CALN1: variants seen among roughly 807,000 people sequenced by gnomAD.
The protein encoded by CALN1 is calneuron 1.
In CALN1, 17 loss-of-function variants were observed where a neutral mutation model predicts 30.6. The ratio of observed to expected loss-of-function variants is 0.56; its 90% CI spans 0.38 to 0.83. The LOEUF is 0.83. CALN1 is among the 40% of genes least tolerant of loss of function. The pLI is 0.00. For synonymous variants in CALN1, 156 were observed against 131.4 expected (o/e 1.19, Z -1.28); for missense variants, 291 against 354.9 (o/e 0.82, Z 1.45).
At chr7:72,106,746 A>G (rs143365252) in intron 3 of CALN1, among the ~76,000 whole-genome samples, 2,150 of 20,858 alleles carry the variant, frequency 0.1, 563 homozygotes, top group Admixed American at 0.14. Context: ...GGGAGGGAGG[A>G]AGGAAGGGAG....
At chr7:72,373,715 G>A (rs901228304) in intron 2 of CALN1, among the ~76,000 whole-genome samples, 2 of 152,174 alleles carry the variant, frequency 1.3e-5, no homozygotes, top group African/African-American at 4.8e-5. Context: ...TTATCAGGAT[G>A]TAACTCCATC....
chr7:71,964,004 T>C (rs993891589), intron 5 of CALN1, among the ~76,000 whole-genome samples: 3 of 152,222 alleles, frequency 2.0e-5, no homozygotes, highest in African/African-American at 4.8e-5. Flanking sequence ...TATTTAAACA[T>C]AAATGTTTCC....
At chr7:72,125,655 A>G (rs1159478710) in intron 3 of CALN1, among the ~76,000 whole-genome samples, 1 of 152,090 alleles carries the variant, frequency 6.6e-6, no homozygotes, top group East Asian at 1.9e-4. Flanking sequence ...GTTTTGTTAC[A>G]TGGATAAGTT....
At chr7:72,132,532 G>A (rs1809225322) in intron 3 of CALN1, among the ~76,000 whole-genome samples, 1 of 151,974 alleles carries the variant, frequency 6.6e-6, no homozygotes, top group Non-Finnish European at 1.5e-5. Context: ...TGACATATAG[G>A]TTGCTTAAAA....
intron 5 of CALN1, among the ~76,000 whole-genome samples, chr7:71,818,424 A>G (rs908860130): frequency 1.3e-5 from 2 of 152,198 alleles, no homozygotes; most frequent in Non-Finnish European, 2.9e-5. Flanking sequence ...TCGAGTAGCC[A>G]GGAGAAGGTG....
chr7:72,083,735 A>G (rs1292278759), intron 4 of CALN1, among the ~76,000 whole-genome samples: 2 of 152,214 alleles, frequency 1.3e-5, no homozygotes, highest in East Asian at 1.9e-4. Context: ...CCTGGCCAAC[A>G]TGGTGAAACC....
intron 3 of CALN1, among the ~76,000 whole-genome samples, chr7:72,108,930 A>G (rs1483602882): frequency 6.6e-6 from 1 of 152,180 alleles, no homozygotes; most frequent in Non-Finnish European, 1.5e-5. Flanking sequence ...TTTGCTCACC[A>G]TAGCCAAGTT....
At chr7:72,087,447 C>T (rs1805553107) in intron 4 of CALN1, among the ~76,000 whole-genome samples, 1 of 152,068 alleles carries the variant, frequency 6.6e-6, no homozygotes, top group African/African-American at 2.4e-5. Flanking sequence ...CAGCCACCAC[C>T]AATCAATCGT....
intron 5 of CALN1, among the ~76,000 whole-genome samples, chr7:71,956,496 T>TC (rs1018700677): frequency 1.3e-5 from 2 of 150,700 alleles, no homozygotes; most frequent in Non-Finnish European, 3.0e-5. Context: ...GATAACTTTT[T>TC]TTTTTTTTTA....
chr7:71,833,945 C>T lies in CALN1; in HGVS notation c.502-23453G>A, dbSNP rs544143701. ...AAAAAATCTTAAAAGTTAAATTGGCCCGGCGCAGTGGCTCACGCCTGTAAT... is the reference window on the plus strand; with the variant it reads ...AAAAAATCTTAAAAGTTAAATTGGCTCGGCGCAGTGGCTCACGCCTGTAAT... On this transcript the variant is annotated intron_variant, in intron 5 of 6. Coordinates refer to ENST00000395275, the MANE Select transcript of CALN1 (RefSeq NM_031468.4). Among the ~76,000 whole-genome samples the T allele has an allele frequency of 3.9e-4, 60 of 151,986 alleles. No homozygotes were observed. The South Asian group carries it at 0.012, about 31-fold the overall frequency.
At chr7:72,003,916 A>C (rs1359167395) in intron 5 of CALN1, among the ~76,000 whole-genome samples, 1 of 152,172 alleles carries the variant, frequency 6.6e-6, no homozygotes, top group East Asian at 1.9e-4. Flanking sequence ...CTATTCCTAG[A>C]CCACTGGACT....
intron 3 of CALN1, among the ~76,000 whole-genome samples, chr7:72,233,913 A>T (rs1794285285): frequency 6.6e-6 from 1 of 152,144 alleles, no homozygotes; most frequent in South Asian, 2.1e-4. Context: ...CTGAGACAGG[A>T]GAATCGCTTG....
intron 1 of CALN1, among the ~76,000 whole-genome samples, chr7:72,445,099 CACACACA>C (rs1808485355): frequency 7.4e-6 from 1 of 134,690 alleles, no homozygotes; most frequent in South Asian, 2.4e-4. Context: ...CACACACACA[CACACACA>C]ACATTAAGTT....
intron 2 of CALN1, among the ~76,000 whole-genome samples, chr7:72,360,424 AT>A (rs1803503223): frequency 6.6e-6 from 1 of 151,922 alleles, no homozygotes; most frequent in African/African-American, 2.4e-5. Context: ...TAGTTTTGAA[AT>A]TTTTTTATTT....
chr7:71,847,771 A>C (rs1007693286), intron 5 of CALN1, among the ~76,000 whole-genome samples: 20 of 129,302 alleles, frequency 1.5e-4, no homozygotes, highest in African/African-American at 4.5e-4. Flanking sequence ...AAGAAGAAGA[A>C]GAAAGAAGAA....
intron 4 of CALN1, among the ~76,000 whole-genome samples, chr7:72,100,608 G>A (rs1419594330): frequency 1.3e-5 from 2 of 151,998 alleles, no homozygotes; most frequent in Non-Finnish European, 2.9e-5. Context: ...CACGAGGTCA[G>A]GAGATCAAGA....
chr7:72,267,210 T>A (rs1326448765), intron 3 of CALN1, among the ~76,000 whole-genome samples: 3 of 152,118 alleles, frequency 2.0e-5, no homozygotes, highest in Non-Finnish European at 4.4e-5. Context: ...GATCCTGAAA[T>A]CAACCGGCAA....
At chr7:72,328,490 C>CTT (rs1194356237) in intron 2 of CALN1, among the ~76,000 whole-genome samples, 1 of 152,216 alleles carries the variant, frequency 6.6e-6, no homozygotes, top group Non-Finnish European at 1.5e-5. Flanking sequence ...CATCAAGCCT[C>CTT]TTTCCTTTAT....
At chr7:72,327,734 G>A (rs1003996869) in intron 2 of CALN1, among the ~76,000 whole-genome samples, 1 of 152,110 alleles carries the variant, frequency 6.6e-6, no homozygotes, top group East Asian at 1.9e-4. Flanking sequence ...TCAGAAATAA[G>A]CTTTTAATGA....
Sources: allele counts gnomAD v4.1 joint callset (sites outside exome capture counted in the v4.1 genomes callset), GRCh38; gene constraint gnomAD v4.1.1; transcripts MANE v1.5; gene names NCBI Gene and HGNC (gene_info 2026-07-23, HGNC 2026-07-21).